Variants in ARMC7 observed in about 807,000 individuals in gnomAD.
The protein encoded by ARMC7 is armadillo repeat-containing protein 7.
A neutral mutation model predicts 14.8 loss-of-function variants in ARMC7; 9 were observed. That is an observed-to-expected ratio of 0.61 (90% CI 0.37 to 1.06). The LOEUF is 1.06. ARMC7 is among the 50% of genes least tolerant of loss of function. The pLI, the probability that ARMC7 is intolerant of heterozygous loss-of-function variation, is 0.01. For synonymous variants in ARMC7, 125 were observed against 123.4 expected, an observed-to-expected ratio of 1.01 and a Z score of -0.09; for missense variants, 262 against 267.1, an observed-to-expected ratio of 0.98 and a Z score of 0.13.
chr17:75,118,192 C>T (rs2073986674), intron 2 of ARMC7, among the ~76,000 whole-genome samples: 1 of 151,962 alleles, frequency 6.6e-6, no homozygotes, highest in Non-Finnish European at 1.5e-5. Context: ...ATTCTGACTT[C>T]CTTGGCTATT....
Position 75,110,378 on chromosome 17 carries a change from A to G in ARMC7, c.90A>G (p.Gln30=). ...CGGAATTCCAGGAGACCCAAAGCCA[A>G]GGTGAGAGCCACGGTGGGATCAGGT... The part of the protein sequence containing the change: ...LVTEFQETQS[Q]DAKEQVLANL... The change falls in exon 1 of 3, where the codon CAA becomes CAG. Residue 30 remains glutamine, a splice_region_variant and synonymous_variant. Transcript: ENST00000245543. The G allele has an allele frequency of 6.2e-7, 1 of 1,614,170 alleles. No individual in the cohort carries two copies. The highest frequency in any genetic ancestry group is 8.5e-7 in the Non-Finnish European group (1 of 1,180,034).
chr17:75,113,802 C>T (rs962273053), intron 2 of ARMC7, among the ~76,000 whole-genome samples: 1 of 152,186 alleles, frequency 6.6e-6, no homozygotes, highest in Non-Finnish European at 1.5e-5. Flanking sequence ...GGATTCACAC[C>T]CCCACAGACA....
intron 2 of ARMC7, among the ~76,000 whole-genome samples, chr17:75,123,143 A>G (rs1483250255): frequency 6.7e-6 from 1 of 150,204 alleles, no homozygotes; most frequent in African/African-American, 2.5e-5. Flanking sequence ...AGTTCAAGCA[A>G]TTCTCTTGCC....
intron 1 of ARMC7, 34 bp downstream of exon 1, chr17:75,110,413 C>T (rs998498925): frequency 1.2e-6 from 2 of 1,614,014 alleles, no homozygotes; most frequent in East Asian, 2.2e-5. Context: ...TGGCAGGGTC[C>T]GCTGTGACCG....
intron 2 of ARMC7, among the ~76,000 whole-genome samples, chr17:75,112,140 C>CTCA (rs2073928400): frequency 1.3e-5 from 2 of 152,082 alleles, no homozygotes; most frequent in African/African-American, 4.8e-5. Context: ...AGGAGCCAGA[C>CTCA]GGAAGGCTGA....
At chr17:75,114,262 G>T (rs901242832) in intron 2 of ARMC7, 4 of 401,048 alleles carry the variant, frequency 1.0e-5, no homozygotes, top group Non-Finnish European at 1.8e-5. Flanking sequence ...TCAAGCTGCT[G>T]CCCCTGGAGA....
chr17:75,125,188 G>A (rs1218418202), intron 2 of ARMC7, among the ~76,000 whole-genome samples: 1 of 152,196 alleles, frequency 6.6e-6, no homozygotes, highest in Admixed American at 6.5e-5. Context: ...GAAGTCCAGG[G>A]TGGGCAGGAT....
chr17:75,112,986 T>C (rs982198889), intron 2 of ARMC7, among the ~76,000 whole-genome samples: 1 of 150,236 alleles, frequency 6.7e-6, no homozygotes, highest in Non-Finnish European at 1.5e-5. Flanking sequence ...TTGAATGTCT[T>C]GATAGGATCA....
intron 2 of ARMC7, 49 bp downstream of exon 2, chr17:75,110,655 T>A: frequency 6.2e-7 from 1 of 1,607,786 alleles, no homozygotes; most frequent in Non-Finnish European, 8.5e-7. Flanking sequence ...CAGGGTGAGA[T>A]AAGTGAATTA....
intron 2 of ARMC7, among the ~76,000 whole-genome samples, chr17:75,118,871 C>T (rs572460033): frequency 2.0e-5 from 3 of 152,324 alleles, no homozygotes; most frequent in East Asian, 1.9e-4. Flanking sequence ...CGGGAACCCC[C>T]ACCACCAAGT....
At chr17:75,116,040 C>T (rs150986890) in intron 2 of ARMC7, among the ~76,000 whole-genome samples, 210 of 152,292 alleles carry the variant, frequency 1.4e-3, no homozygotes, top group Non-Finnish European at 1.4e-3. Flanking sequence ...TCATCTGCTC[C>T]AGGAATTCTT....
intron 2 of ARMC7, among the ~76,000 whole-genome samples, chr17:75,118,847 C>T (rs951886520): frequency 6.6e-6 from 1 of 152,158 alleles, no homozygotes; most frequent in East Asian, 1.9e-4. Context: ...TGGTTCTAAC[C>T]CCTTTGTACA....
At chr17:75,111,319 G>A (rs569490708) in intron 2 of ARMC7, among the ~76,000 whole-genome samples, 115 of 151,582 alleles carry the variant, frequency 7.6e-4, no homozygotes, top group Non-Finnish European at 2.1e-4. Context: ...GGTGGTGGGC[G>A]CCTGTAATCC....
At chr17:75,121,999 TGA>T (rs1248060541) in intron 2 of ARMC7, among the ~76,000 whole-genome samples, 1 of 152,178 alleles carries the variant, frequency 6.6e-6, no homozygotes. Flanking sequence ...TGTCGTTTGA[TGA>T]GTTATTCTCC....
In ARMC7 at chr17:75,113,875, G is replaced by C. The variant is rs576131692; in HGVS notation, c.235+3269G>C. On this transcript the variant is annotated intron_variant, in intron 2 of 2. Transcript: ENST00000245543. ...ACACCAACAGTGGCATTCACTCCTGGGAGTCAGGATCCAAGAGAGAGGCCC... is the reference window on the plus strand; with the variant it reads ...ACACCAACAGTGGCATTCACTCCTGCGAGTCAGGATCCAAGAGAGAGGCCC... Among the ~76,000 whole-genome samples the C allele has an allele frequency of 2.2e-3, 329 of 152,274 alleles. 1 individual carries two copies. Among genetic ancestry groups the C allele is most frequent in the African/African-American group, 7.4e-3 (306 of 41,550 alleles).
chr17:75,115,171 A>G (rs182271966), intron 2 of ARMC7, among the ~76,000 whole-genome samples: 60 of 152,238 alleles, frequency 3.9e-4, no homozygotes, highest in Non-Finnish European at 7.2e-4. Flanking sequence ...ACTTGGTGCA[A>G]CACCCCTGAG....
intron 2 of ARMC7, among the ~76,000 whole-genome samples, chr17:75,121,194 C>T (rs1428159877): frequency 6.6e-6 from 1 of 152,132 alleles, no homozygotes; most frequent in Non-Finnish European, 1.5e-5. Flanking sequence ...TGCCTGTAGA[C>T]GGAGATTTGA....
chr17:75,116,744 GA>G (rs771209709), intron 2 of ARMC7, among the ~76,000 whole-genome samples: 6 of 152,212 alleles, frequency 3.9e-5, no homozygotes, highest in Non-Finnish European at 5.9e-5. Context: ...ATTGTGGAGC[GA>G]AAGCGAGAAA....
chr17:75,122,359 AATT>A (rs969217549), intron 2 of ARMC7, among the ~76,000 whole-genome samples: 5 of 151,246 alleles, frequency 3.3e-5, no homozygotes, highest in South Asian at 2.1e-4. Flanking sequence ...TATCTTTTAA[AATT>A]ATTATTATTA....
Sources: allele counts gnomAD v4.1 joint callset (sites outside exome capture counted in the v4.1 genomes callset), GRCh38; gene constraint gnomAD v4.1.1; transcripts MANE v1.5; gene names NCBI Gene and HGNC (gene_info 2026-07-23, HGNC 2026-07-21).